Variants in AIG1 observed in about 807,000 individuals in gnomAD.
The protein encoded by AIG1 is androgen induced 1, also known as androgen-induced gene 1 protein.
AIG1 carries 23 observed loss-of-function variants against 31.4 expected under a neutral mutation model. The ratio of observed to expected loss-of-function variants is 0.73; its 90% CI spans 0.53 to 1.04. The LOEUF (loss-of-function observed/expected upper bound fraction) is 1.04, where lower values mean the gene tolerates loss of function less well. AIG1 is among the 50% of genes least tolerant of loss of function. The probability of loss-of-function intolerance (pLI) is 0.00; values close to 1 mark genes in which losing one functional copy is unlikely to be tolerated. For missense variants in AIG1, 274 were observed against 295.0 expected (o/e 0.93, Z 0.52); for synonymous variants, 100 against 110.5 (o/e 0.90, Z 0.60).
chr6:143,188,638 C>T (rs535303278), intron 3 of AIG1: 39 of 984,820 alleles, frequency 4.0e-5, no homozygotes, highest in Middle Eastern at 5.2e-4. Context: ...AAATCTGATT[C>T]TACACTTCTT....
At chr6:143,075,521 G>C (rs1777657222) in intron 1 of AIG1, among the ~76,000 whole-genome samples, 1 of 152,050 alleles carries the variant, frequency 6.6e-6, no homozygotes, top group Admixed American at 6.6e-5. Context: ...GCCCAGGTTG[G>C]TCTTGAACTC....
At position 143,326,153 on chromosome 6, in the gene AIG1, A is replaced by T. The variant is rs1776593844; in HGVS notation, c.516-7129A>T. ...GATACAATTGGTTCAGCTCAATCTG[A>T]TCTATTTCAGATTTATTTATTTTCA... On this transcript the variant is annotated intron_variant, in intron 4 of 5. Transcript: ENST00000357847. This position sits in a 1 kb window ranked among gnomAD's most constrained non-coding sequence, Gnocchi z 4.5. 6.6e-6 allele frequency among the ~76,000 whole-genome samples: 1 copy of T among 152,128 alleles called. No homozygotes were observed. Among genetic ancestry groups the T allele is most frequent in the Non-Finnish European group, 1.5e-5 (1 of 68,020 alleles).
chr6:143,339,072 G>A (rs990979319), intron 5 of AIG1: 2 of 152,208 alleles, frequency 1.3e-5, no homozygotes, highest in African/African-American at 4.8e-5. Context: ...CCAGGATTGG[G>A]TTGAATAGAG....
intron 3 of AIG1, among the ~76,000 whole-genome samples, chr6:143,171,466 TTA>T (rs1554253960): frequency 6.8e-5 from 8 of 117,124 alleles, no homozygotes; most frequent in African/African-American, 2.9e-4. Flanking sequence ...ATATATATAT[TTA>T]ATATATATAA....
intron 3 of AIG1, chr6:143,189,511 C>T (rs1159207183): frequency 1.0e-6 from 1 of 985,246 alleles, no homozygotes; most frequent in Non-Finnish European, 1.2e-6. Context: ...TGCTGAGTGT[C>T]ATATGCTAAG....
chr6:143,261,628 A>T (rs990162945), intron 3 of AIG1, among the ~76,000 whole-genome samples: 8 of 152,168 alleles, frequency 5.3e-5, no homozygotes, highest in Non-Finnish European at 1.0e-4. Context: ...CCTTTCCTCT[A>T]TGCAATTTTT....
intron 1 of AIG1, among the ~76,000 whole-genome samples, chr6:143,086,782 A>G (rs1011852286): frequency 6.6e-6 from 1 of 152,198 alleles, no homozygotes; most frequent in African/African-American, 2.4e-5. Context: ...TATACTTTCA[A>G]GAAAGTTGTG....
chr6:143,168,097 G>T (rs188680847), intron 3 of AIG1, among the ~76,000 whole-genome samples: 1 of 151,884 alleles, frequency 6.6e-6, no homozygotes, highest in Non-Finnish European at 1.5e-5. Context: ...GTAATAAAAT[G>T]ACATTTCAAA....
At chr6:143,108,120 G>A (rs1780960660) in intron 1 of AIG1, among the ~76,000 whole-genome samples, 1 of 152,076 alleles carries the variant, frequency 6.6e-6, no homozygotes, top group Admixed American at 6.6e-5. Flanking sequence ...ATATAGGCAA[G>A]GTCTTACCCT....
chr6:143,250,290 A>C (rs1054609460), intron 3 of AIG1, among the ~76,000 whole-genome samples: 1 of 152,230 alleles, frequency 6.6e-6, no homozygotes, highest in Non-Finnish European at 1.5e-5. Context: ...TGGAAGAATT[A>C]CATGATTTTT....
chr6:143,095,968 A>G (rs1487053404), intron 1 of AIG1, among the ~76,000 whole-genome samples: 2 of 136,258 alleles, frequency 1.5e-5, no homozygotes, highest in Non-Finnish European at 3.0e-5. Context: ...GTGCAGTGGC[A>G]CGATCTCGGC....
At chr6:143,092,190 G>C (rs868056749) in intron 1 of AIG1, among the ~76,000 whole-genome samples, 1 of 151,922 alleles carries the variant, frequency 6.6e-6, no homozygotes, top group Non-Finnish European at 1.5e-5. Context: ...CTGCAGCCTT[G>C]ACCTCCTGGG....
At chr6:143,342,767 C>T (rs1777882377), downstream of AIG1, 1 of 815,622 alleles carries the variant, frequency 1.2e-6, no homozygotes, top group Non-Finnish European at 2.2e-6. Context: ...ATCATAGCTG[C>T]AAACGTCCTT....
intron 3 of AIG1, among the ~76,000 whole-genome samples, chr6:143,227,805 C>A (rs1433946172): frequency 6.6e-6 from 1 of 152,070 alleles, no homozygotes; most frequent in East Asian, 1.9e-4. Context: ...CCAGGACAGG[C>A]CAGGAGGAGC....
chr6:143,136,973 G>A lies in AIG1; in HGVS notation c.280G>A (p.Ala94Thr). The A allele has an allele frequency of 6.9e-7, 1 of 1,449,060 alleles. No homozygotes were observed. Among genetic ancestry groups the A allele is most frequent in the Non-Finnish European group, 9.2e-7 (1 of 1,082,686 alleles). 89.8% of individuals were successfully genotyped at this position (1,449,060 alleles called of 1,614,324 possible). A position where few individuals can be genotyped will look rare whatever the true frequency, so the allele number is the denominator to read the frequency against. Reference protein sequence around the residue: ...SLRDWMLAVLAFPVGVFVVAV... With the variant: ...SLRDWMLAVLTFPVGVFVVAV... ...CCGGGACTGGATGTTAGCTGTGTTG[G>A]CCTTTCCTGTTGGGGTTGTGAGTAT... The change falls in exon 2 of 6, where the codon GCC becomes ACC. Residue 94 changes from alanine (A) to threonine (T), a missense_variant. Around this residue, in one of 2 missense-constraint regions of AIG1, gnomAD observed 243 missense variants for 238.5 expected, o/e 1.02. Coordinates refer to ENST00000357847, the MANE Select transcript of AIG1 (RefSeq NM_016108.4).
intron 2 of AIG1, among the ~76,000 whole-genome samples, chr6:143,161,563 G>C (rs1305353011): frequency 2.0e-5 from 3 of 150,394 alleles, no homozygotes; most frequent in African/African-American, 7.3e-5. Context: ...ATGTGTGTGT[G>C]TGTGTACATA....
chr6:143,248,015 G>A (rs571785944), intron 3 of AIG1, among the ~76,000 whole-genome samples: 2 of 152,144 alleles, frequency 1.3e-5, no homozygotes, highest in Non-Finnish European at 1.5e-5. Flanking sequence ...ATTGGGTTCT[G>A]CCTCTGGCAA....
chr6:143,250,819 TG>T (rs1203120542), intron 3 of AIG1, among the ~76,000 whole-genome samples: 4 of 152,304 alleles, frequency 2.6e-5, no homozygotes, highest in Non-Finnish European at 4.4e-5. Flanking sequence ...TATGACGGGT[TG>T]TTTTTTTGCG....
intron 1 of AIG1, among the ~76,000 whole-genome samples, chr6:143,109,810 TTTTC>T (rs1277200553): frequency 2.6e-5 from 4 of 152,212 alleles, no homozygotes; most frequent in African/African-American, 9.6e-5. Flanking sequence ...GACAAATATA[TTTTC>T]TTTCTTTATG....
Sources: gnomAD v4.1 joint callset for allele counts (sites outside exome capture counted in the v4.1 genomes callset) on GRCh38, gnomAD v4.1.1 for gene constraint, gnomAD v4.1.1 regional missense constraint, Gnocchi (gnomAD v3.1) non-coding constraint, MANE v1.5 for transcripts, NCBI Gene and HGNC (gene_info 2026-07-23, HGNC 2026-07-21) for gene names.